DNAI4: variants seen among roughly 807,000 people sequenced by gnomAD.
DNAI4 encodes dynein axonemal intermediate chain 4, also known as WD repeat domain 78.
DNAI4 carries 85 observed loss-of-function variants against 105.8 expected under a neutral mutation model. The observed-to-expected ratio is 0.80, with a 90% confidence interval of 0.67 to 0.96. The LOEUF is 0.96. Among genes scored for constraint, DNAI4 ranks in the 40% least tolerant of loss-of-function variants. The pLI is 0.00. For synonymous variants in DNAI4, 352 were observed against 331.5 expected (o/e 1.06, Z -0.67); for missense variants, 1,014 against 1,005.6 (o/e 1.01, Z -0.11).
intron 4 of DNAI4, among the ~76,000 whole-genome samples, chr1:66,882,529 T>A (rs1458070094): frequency 6.6e-6 from 1 of 152,190 alleles, no homozygotes; most frequent in Non-Finnish European, 1.5e-5. Flanking sequence ...TCTCTCTTTT[T>A]TTTTGCATAT....
chr1:66,840,934 TG>T (rs1646136774), intron 8 of DNAI4, among the ~76,000 whole-genome samples: 1 of 152,216 alleles, frequency 6.6e-6, no homozygotes. Flanking sequence ...ATGACAAATG[TG>T]TGGTCTCTAA....
At chr1:66,924,285 C>G (rs1176956005) in intron 1 of DNAI4, among the ~76,000 whole-genome samples, 1 of 152,244 alleles carries the variant, frequency 6.6e-6, no homozygotes, top group African/African-American at 2.4e-5. Flanking sequence ...ATTCTCCTGC[C>G]TCAGCCTCCC....
At chr1:66,845,190 C>A (rs1347498154) in intron 8 of DNAI4, among the ~76,000 whole-genome samples, 27 of 106,318 alleles carry the variant, frequency 2.5e-4, no homozygotes, top group East Asian at 1.1e-3. Flanking sequence ...AACTCCATCT[C>A]AAAAAAAAAA....
At chr1:66,871,634 G>A (rs1646848986) in intron 5 of DNAI4, 125 bp from the exon 6 acceptor site, 14 of 950,386 alleles carry the variant, frequency 1.5e-5, no homozygotes, top group Non-Finnish European at 2.1e-5. Context: ...AGTGAAGTGA[G>A]ACTTCAAAAA....
intron 1 of DNAI4, among the ~76,000 whole-genome samples, chr1:66,916,417 C>T (rs906703360): frequency 1.3e-5 from 2 of 152,062 alleles, no homozygotes; most frequent in African/African-American, 4.8e-5. Flanking sequence ...AGGACAAGTC[C>T]TGCTAAATCT....
chr1:66,871,627 G>T, intron 5 of DNAI4, 118 bp from the exon 6 acceptor site: 1 of 1,013,484 alleles, frequency 9.9e-7, no homozygotes, highest in Non-Finnish European at 1.4e-6. Context: ...ACCAAAAAGT[G>T]AAGTGAGACT....
At chr1:66,894,013 A>G (rs1240837623) in intron 2 of DNAI4, among the ~76,000 whole-genome samples, 1 of 152,206 alleles carries the variant, frequency 6.6e-6, no homozygotes, top group Non-Finnish European at 1.5e-5. Context: ...AAAGTATAGC[A>G]ATACTATTAT....
intron 2 of DNAI4, among the ~76,000 whole-genome samples, chr1:66,896,955 C>A (rs1381586619): frequency 6.6e-6 from 1 of 152,138 alleles, no homozygotes; most frequent in Non-Finnish European, 1.5e-5. Context: ...TGGATAGAGG[C>A]TGGAAGAACT....
rs1344367922 is a variant in DNAI4, at chr1:66,835,678, T to C, written c.1681A>G (p.Ile561Val). The change falls in exon 11 of 17, where the codon ATT (isoleucine) becomes GTT (valine). Residue 561 changes from isoleucine (I) to valine (V), a missense_variant. Ile to Val is a conservative substitution (Grantham distance 29). Transcript: ENST00000371026. ...LLAVGYHNGTIAIYNVRSNSN... is the reference protein window; with the variant it reads ...LLAVGYHNGTVAIYNVRSNSN... ...TTGCTCCGTACATTGTAAATTGCAATTGTGCCATTGTGATAGCCAACGGCT... is the reference window on the plus strand; with the variant it reads ...TTGCTCCGTACATTGTAAATTGCAACTGTGCCATTGTGATAGCCAACGGCT... 6.2e-7 allele frequency: 1 copy of C among 1,614,018 alleles called. No homozygotes were observed.
intron 1 of DNAI4, among the ~76,000 whole-genome samples, chr1:66,918,344 G>A (rs966183065): frequency 6.6e-6 from 1 of 152,168 alleles, no homozygotes. Flanking sequence ...ATTTTCTACA[G>A]TTTGGACCAA....
chr1:66,831,411 T>TATTC lies in DNAI4; in HGVS notation c.2013+2170_2013+2173dup, dbSNP rs138827577. ...AAACAAAATTTCAGTATATCAAATG[T>TATTC]ATTCGTATATTAAAAGGGTAGTAAA... On this transcript the variant is annotated intron_variant, in intron 13 of 16. Transcript: ENST00000371026. Among the ~76,000 whole-genome samples the TATTC allele has an allele frequency of 7.1e-3, 1,089 of 152,308 alleles. 17 individuals are homozygous for TATTC. The highest frequency in any genetic ancestry group is 0.025 in the African/African-American group (1,045 of 41,570).
In DNAI4 at chr1:66,814,012, GT is replaced by G; in HGVS notation, c.*117del. 1.7e-6 allele frequency: 1 copy of G among 600,342 alleles called. No homozygotes were observed. The highest frequency in any genetic ancestry group is 3.4e-5 in the South Asian group (1 of 29,656). 37.2% of individuals were successfully genotyped at this position (600,342 alleles called of 1,614,324 possible). On this transcript the variant is annotated 3_prime_UTR_variant, in exon 17 of 17. Transcript: ENST00000371026. ...TTTATTAAATTTAAATTAAGTGGAA[GT>G]TATACATCAAATATTGTTTTCTGAA...
At chr1:66,835,193 C>CAGACAGAT (rs148107373) in intron 11 of DNAI4, among the ~76,000 whole-genome samples, 4,824 of 136,158 alleles carry the variant, frequency 0.035, 84 homozygotes, top group Non-Finnish European at 0.042. Context: ...CCTCCTTAGA[C>CAGACAGAT]AGATAGATAG....
At chr1:66,920,392 C>A (rs1226636712) in intron 1 of DNAI4, among the ~76,000 whole-genome samples, 1 of 152,180 alleles carries the variant, frequency 6.6e-6, no homozygotes, top group East Asian at 1.9e-4. Flanking sequence ...TGGACAAGAA[C>A]TCAGGTGCCA....
intron 2 of DNAI4, among the ~76,000 whole-genome samples, chr1:66,902,592 G>A (rs1482325400): frequency 8.5e-5 from 13 of 152,050 alleles, no homozygotes; most frequent in Admixed American, 7.9e-4. Flanking sequence ...TTCTTTAGCT[G>A]CATATGCTTT....
chr1:66,836,242 GAA>G lies in DNAI4; in HGVS notation c.1582-467_1582-466del, dbSNP rs1349548790. ...AGAGAGAGAGAGAGAGAGAAAGAAA[GAA>G]AGAGAGAGAGAGAAAGAAAGAAAGA... On this transcript the variant is annotated intron_variant, in intron 10 of 16. Transcript: ENST00000371026. 4.5e-3 allele frequency among the ~76,000 whole-genome samples: 570 copies of G among 127,182 alleles called. 6 individuals are homozygous for G. The highest frequency in any genetic ancestry group is 0.015 in the African/African-American group (494 of 32,100). 83.4% of individuals were successfully genotyped at this position (127,182 alleles called of 152,430 possible).
chr1:66,857,788 G>A (rs1271921719), intron 7 of DNAI4, among the ~76,000 whole-genome samples: 2 of 152,044 alleles, frequency 1.3e-5, no homozygotes, highest in East Asian at 3.9e-4. Context: ...TCTTGATCAT[G>A]TTGGTCAGGC....
chr1:66,902,476 A>G (rs1648906870), intron 2 of DNAI4, among the ~76,000 whole-genome samples: 1 of 152,156 alleles, frequency 6.6e-6, no homozygotes, highest in South Asian at 2.1e-4. Context: ...TCAAATATAT[A>G]ATTTGCAAAT....
At chr1:66,899,044 A>G (rs1428491059) in intron 2 of DNAI4, among the ~76,000 whole-genome samples, 1 of 152,174 alleles carries the variant, frequency 6.6e-6, no homozygotes, top group African/African-American at 2.4e-5. Flanking sequence ...CCTTTTGTCT[A>G]TTATGAATAA....
Sources: gnomAD v4.1 joint callset for allele counts (sites outside exome capture counted in the v4.1 genomes callset) on GRCh38, gnomAD v4.1.1 for gene constraint, MANE v1.5 for transcripts, NCBI Gene and HGNC (gene_info 2026-07-23, HGNC 2026-07-21) for gene names.